The following HEMK2 variants were observed in gnomAD, a reference collection of about 807,000 sequenced individuals.
HEMK2 encodes the protein HemK methyltransferase 2, ETF1 glutamine and histone H4 lysine.
the HEMK2 span, among the ~76,000 whole-genome samples, chr21:28,829,124 A>AT: frequency 6.6e-6 from 1 of 152,280 alleles, no homozygotes; most frequent in Admixed American, 6.5e-5. Flanking sequence ...AACAATCTTC[A>AT]TTTTTAACGA....
At chr21:28,769,636 T>A in the HEMK2 span, among the ~76,000 whole-genome samples, 1 of 152,084 alleles carries the variant, frequency 6.6e-6, no homozygotes, top group East Asian at 1.9e-4. Context: ...ACAGAGCCCC[T>A]TTTTCTCTCT....
At chr21:28,822,580 T>TAC in the HEMK2 span, among the ~76,000 whole-genome samples, 1 of 152,032 alleles carries the variant, frequency 6.6e-6, no homozygotes, top group Non-Finnish European at 1.5e-5. Context: ...TGCATATATA[T>TAC]ATATATATAT....
the HEMK2 span, among the ~76,000 whole-genome samples, chr21:28,734,693 G>A: frequency 6.6e-6 from 1 of 152,166 alleles, no homozygotes; most frequent in Admixed American, 6.5e-5. Flanking sequence ...GAAATGGGTG[G>A]GTCTCATCAT....
At chr21:28,626,000 G>A in the HEMK2 span, among the ~76,000 whole-genome samples, 2 of 152,074 alleles carry the variant, frequency 1.3e-5, no homozygotes, top group African/African-American at 4.8e-5. Context: ...TATTCTCCAA[G>A]CTGTAGGAAA....
chr21:28,797,564 G>A, the HEMK2 span, among the ~76,000 whole-genome samples: 1 of 152,114 alleles, frequency 6.6e-6, no homozygotes, highest in South Asian at 2.1e-4. Context: ...GCAGTGAGTG[G>A]ACATCGTGCC....
chr21:28,875,174 C>T, the HEMK2 span: 1 of 152,256 alleles, frequency 6.6e-6, no homozygotes, highest in South Asian at 2.1e-4. Flanking sequence ...CTTCCTTGTG[C>T]CTTCAGGGCC....
At chr21:28,745,965 C>A in the HEMK2 span, among the ~76,000 whole-genome samples, 1 of 152,164 alleles carries the variant, frequency 6.6e-6, no homozygotes, top group African/African-American at 2.4e-5. Flanking sequence ...AGAAACCTGG[C>A]TGAATCCTGA....
At chr21:28,791,008 T>A in the HEMK2 span, among the ~76,000 whole-genome samples, 1 of 152,018 alleles carries the variant, frequency 6.6e-6, no homozygotes, top group East Asian at 1.9e-4. Flanking sequence ...ATTTTGCAAA[T>A]AAAGTAAAAG....
the HEMK2 span, among the ~76,000 whole-genome samples, chr21:28,826,423 T>C: frequency 1.3e-5 from 2 of 152,236 alleles, 1 homozygote; most frequent in South Asian, 4.1e-4. Flanking sequence ...AGAATCTCTC[T>C]GTTGGGAATA....
At chr21:28,607,972 C>T in the HEMK2 span, among the ~76,000 whole-genome samples, 3 of 152,126 alleles carry the variant, frequency 2.0e-5, no homozygotes, top group African/African-American at 7.2e-5. Flanking sequence ...AATGACTTAA[C>T]AATTTTGAAC....
At chr21:28,591,641 A>C in the HEMK2 span, among the ~76,000 whole-genome samples, 1 of 152,066 alleles carries the variant, frequency 6.6e-6, no homozygotes, top group Admixed American at 6.6e-5. Context: ...AGATTTTTTC[A>C]TCACCCAGGT....
the HEMK2 span, among the ~76,000 whole-genome samples, chr21:28,660,607 A>T: frequency 6.6e-6 from 1 of 151,884 alleles, no homozygotes; most frequent in East Asian, 1.9e-4. Context: ...CCTAGAACAT[A>T]AAAAAACTTA....
chr21:28,781,323 T>TA, the HEMK2 span, among the ~76,000 whole-genome samples: 1 of 152,218 alleles, frequency 6.6e-6, no homozygotes, highest in Admixed American at 6.5e-5. Context: ...TTCAACCTGT[T>TA]CATCCATCTC....
At chr21:28,735,214 CTAGCTCA>C in the HEMK2 span, among the ~76,000 whole-genome samples, 1 of 152,192 alleles carries the variant, frequency 6.6e-6, no homozygotes, top group Non-Finnish European at 1.5e-5. Context: ...CACTCATTTA[CTAGCTCA>C]TAGTTCTGTA....
At chr21:28,854,503 T>C in the HEMK2 span, among the ~76,000 whole-genome samples, 1 of 149,880 alleles carries the variant, frequency 6.7e-6, no homozygotes, top group South Asian at 2.1e-4. Flanking sequence ...TATATCTATA[T>C]CTATAGATAT....
At chr21:28,882,417 A>C in the HEMK2 span, among the ~76,000 whole-genome samples, 1 of 152,204 alleles carries the variant, frequency 6.6e-6, no homozygotes, top group African/African-American at 2.4e-5. Context: ...GATTTGTTCT[A>C]TTGATGAAAA....
chr21:28,638,650 G>A, the HEMK2 span, among the ~76,000 whole-genome samples: 1 of 152,120 alleles, frequency 6.6e-6, no homozygotes, highest in African/African-American at 2.4e-5. Context: ...CAGTTCTTCC[G>A]AGCAGCCCAG....
the HEMK2 span, among the ~76,000 whole-genome samples, chr21:28,638,047 C>T: frequency 6.6e-6 from 1 of 152,122 alleles, no homozygotes; most frequent in Non-Finnish European, 1.5e-5. Flanking sequence ...TTTTACATTC[C>T]TGAAACTTGG....
At chr21:28,732,805 T>C in the HEMK2 span, among the ~76,000 whole-genome samples, 1 of 152,180 alleles carries the variant, frequency 6.6e-6, no homozygotes, top group African/African-American at 2.4e-5. Flanking sequence ...CCTTGATTTC[T>C]GCTGAGTCTC....
Sources: gnomAD v4.1 joint callset for allele counts (sites outside exome capture counted in the v4.1 genomes callset) on GRCh38, gnomAD v4.1.1 for gene constraint, MANE v1.5 for transcripts, NCBI Gene and HGNC (gene_info 2026-07-23, HGNC 2026-07-21) for gene names.